The following MTCL3 variants were observed in gnomAD, a reference collection of about 807,000 sequenced individuals.
MTCL3 encodes the protein microtubule cross-linking factor 3.
chr6:127,486,450 G>A, the MTCL3 span, among the ~76,000 whole-genome samples: 2 of 152,142 alleles, frequency 1.3e-5, no homozygotes, highest in African/African-American at 4.8e-5. Flanking sequence ...GTGAGTCCAA[G>A]TAGTCCCTTT....
the MTCL3 span, among the ~76,000 whole-genome samples, chr6:127,513,223 C>T: frequency 6.6e-6 from 1 of 152,070 alleles, no homozygotes; most frequent in Non-Finnish European, 1.5e-5. Context: ...ATCGTTTAAC[C>T]CTACAAAAAT....
the MTCL3 span, among the ~76,000 whole-genome samples, chr6:127,502,106 A>T: frequency 3.9e-3 from 596 of 152,310 alleles, 2 homozygotes; most frequent in African/African-American, 0.013. Context: ...ACATTTATTG[A>T]TATTTTTTAT....
the MTCL3 span, among the ~76,000 whole-genome samples, chr6:127,500,126 T>C: frequency 6.6e-6 from 1 of 152,170 alleles, no homozygotes; most frequent in Non-Finnish European, 1.5e-5. Context: ...ATTTGAACCA[T>C]CTTGGGTGAA....
the MTCL3 span, chr6:127,514,818 C>T: frequency 1.2e-6 from 2 of 1,607,624 alleles, no homozygotes; most frequent in South Asian, 1.1e-5. Context: ...CCCCGCGCCG[C>T]AGACCTTGAG....
chr6:127,483,648 C>G, the MTCL3 span, among the ~76,000 whole-genome samples: 1 of 152,198 alleles, frequency 6.6e-6, no homozygotes, highest in Non-Finnish European at 1.5e-5. Flanking sequence ...CCACATTTTA[C>G]TGGCTGATCC....
the MTCL3 span, among the ~76,000 whole-genome samples, chr6:127,516,889 A>T: frequency 2.6e-5 from 4 of 152,190 alleles, no homozygotes; most frequent in African/African-American, 9.7e-5. Flanking sequence ...CGCTGTCTCC[A>T]TCTCACTCCA....
At chr6:127,475,319 C>A in the MTCL3 span, 4 of 1,610,684 alleles carry the variant, frequency 2.5e-6, no homozygotes, top group Non-Finnish European at 3.4e-6. This position sits in a 1 kb window ranked among gnomAD's most constrained non-coding sequence, Gnocchi z 7.3. Context: ...GGCTCCTCGG[C>A]GCCGCGGTCG....
the MTCL3 span, among the ~76,000 whole-genome samples, chr6:127,484,438 A>G: frequency 1.3e-5 from 2 of 152,188 alleles, no homozygotes; most frequent in Non-Finnish European, 2.9e-5. Context: ...CCAAAAAGTA[A>G]TTTAGGAAGT....
chr6:127,492,080 G>A, the MTCL3 span, among the ~76,000 whole-genome samples: 5 of 152,198 alleles, frequency 3.3e-5, no homozygotes, highest in South Asian at 1.0e-3. Context: ...GGGCTGGCCT[G>A]CTCCATGAAA....
the MTCL3 span, among the ~76,000 whole-genome samples, chr6:127,480,385 C>A: frequency 1.3e-5 from 2 of 152,202 alleles, no homozygotes; most frequent in African/African-American, 4.8e-5. Flanking sequence ...AATTGCTGTG[C>A]AGTATCATTT....
the MTCL3 span, chr6:127,516,493 G>T: frequency 6.3e-7 from 1 of 1,599,540 alleles, no homozygotes; most frequent in South Asian, 1.1e-5. Context: ...TCTAGCGGGT[G>T]ACTGAGCTCG....
chr6:127,512,189 T>C, the MTCL3 span, among the ~76,000 whole-genome samples: 2 of 152,194 alleles, frequency 1.3e-5, no homozygotes, highest in Non-Finnish European at 2.9e-5. Context: ...AGAAGACTCA[T>C]GGTAAACACA....
At chr6:127,516,914 C>CG in the MTCL3 span, among the ~76,000 whole-genome samples, 4 of 152,052 alleles carry the variant, frequency 2.6e-5, no homozygotes, top group African/African-American at 9.7e-5. Context: ...AGCAAAATGA[C>CG]GGATCTGAAA....
At chr6:127,516,411 A>G in the MTCL3 span, 28 of 1,600,412 alleles carry the variant, frequency 1.7e-5, no homozygotes, top group Non-Finnish European at 2.1e-5. Context: ...GCCGAACAGA[A>G]TTGAGTTTAG....
At chr6:127,493,809 TTTTG>T in the MTCL3 span, among the ~76,000 whole-genome samples, 1 of 152,236 alleles carries the variant, frequency 6.6e-6, no homozygotes, top group Non-Finnish European at 1.5e-5. Flanking sequence ...CATGGTATTA[TTTTG>T]TTTTATTTTT....
the MTCL3 span, among the ~76,000 whole-genome samples, chr6:127,505,048 T>A: frequency 6.6e-6 from 1 of 152,198 alleles, no homozygotes; most frequent in Admixed American, 6.5e-5. Context: ...GATGATGAAT[T>A]CTTTTGTTAT....
the MTCL3 span, among the ~76,000 whole-genome samples, chr6:127,479,998 A>G: frequency 6.6e-6 from 1 of 152,230 alleles, no homozygotes; most frequent in Non-Finnish European, 1.5e-5. Context: ...AGTGAAAGGT[A>G]GGCAAGAAAA....
chr6:127,489,037 ACT>A, the MTCL3 span, among the ~76,000 whole-genome samples: 7 of 152,140 alleles, frequency 4.6e-5, no homozygotes, highest in Middle Eastern at 3.4e-3. Flanking sequence ...ATTTGTGGAA[ACT>A]CTGCATTGAG....
the MTCL3 span, among the ~76,000 whole-genome samples, chr6:127,478,883 G>A: frequency 2.0e-5 from 3 of 151,968 alleles, no homozygotes; most frequent in African/African-American, 7.3e-5. Flanking sequence ...TGGGCATGGT[G>A]GCATGCGCCT....
Sources: allele counts gnomAD v4.1 joint callset (sites outside exome capture counted in the v4.1 genomes callset), GRCh38; gene constraint gnomAD v4.1.1; non-coding constraint Gnocchi (gnomAD v3.1); transcripts MANE v1.5; gene names NCBI Gene and HGNC (gene_info 2026-07-23, HGNC 2026-07-21).